MYLK: variants seen among roughly 807,000 people sequenced by gnomAD.
The protein encoded by MYLK is myosin light chain kinase.
Under a neutral mutation model 203.4 loss-of-function variants are expected in MYLK, and 106 were observed. The observed-to-expected ratio is 0.52, with a 90% CI of 0.45 to 0.61. The LOEUF is 0.61. MYLK is among the 20% of genes least tolerant of loss of function. The pLI is 0.00. For missense variants in MYLK, 2,072 were observed against 2,442.3 expected (o/e 0.85, Z 3.20); for synonymous variants, 867 against 959.5 (o/e 0.90, Z 1.78).
At chr3:123,853,772 A>G (rs773686879) in intron 2 of MYLK, among the ~76,000 whole-genome samples, 2 of 152,142 alleles carry the variant, frequency 1.3e-5, no homozygotes, top group African/African-American at 4.8e-5. Flanking sequence ...AAGGATGAGC[A>G]TATTTTGCAT....
At chr3:123,749,491 T>C (rs551429457) in intron 5 of MYLK, among the ~76,000 whole-genome samples, 1 of 152,248 alleles carries the variant, frequency 6.6e-6, no homozygotes, top group South Asian at 2.1e-4. Flanking sequence ...CTGATTTCCA[T>C]CATGTAAGGC....
intron 4 of MYLK, among the ~76,000 whole-genome samples, chr3:123,772,290 T>C (rs1336893065): frequency 6.6e-6 from 1 of 152,110 alleles, no homozygotes; most frequent in African/African-American, 2.4e-5. Flanking sequence ...ACTAATGAAA[T>C]AGTCCAGAAA....
intron 3 of MYLK, among the ~76,000 whole-genome samples, chr3:123,820,652 T>TCCC (rs2065900087): frequency 2.6e-5 from 3 of 113,814 alleles, no homozygotes; most frequent in African/African-American, 9.1e-5. Flanking sequence ...CCCTCCTTCC[T>TCCC]TCCTTCCTTC....
rs1183792309 is a variant in MYLK at position 123,610,653 on chromosome 3, C to T, written c.*3452G>A. 2.6e-5 allele frequency: 4 copies of T among 152,176 alleles called. No homozygotes were observed. The highest frequency in any genetic ancestry group is 6.5e-5 in the Admixed American group (1 of 15,274). 9.4% of individuals were successfully genotyped at this position (152,176 alleles called of 1,614,324 possible). On this transcript the variant is annotated 3_prime_UTR_variant, in exon 34 of 34. Coordinates refer to ENST00000360304, the MANE Select transcript of MYLK (RefSeq NM_053025.4). ...AACAACTGCCACCAACATTAGCCCC[C>T]CCTTTCAAATTACAGGAAGGAGTCC...
chr3:123,645,974 T>G (rs1223545813), intron 27 of MYLK, among the ~76,000 whole-genome samples: 1 of 152,156 alleles, frequency 6.6e-6, no homozygotes, highest in Non-Finnish European at 1.5e-5. Context: ...TGAAATCCTA[T>G]CTGTACAAAA....
chr3:123,773,093 T>A (rs1329527987), intron 4 of MYLK, among the ~76,000 whole-genome samples: 1 of 151,996 alleles, frequency 6.6e-6, no homozygotes, highest in Non-Finnish European at 1.5e-5. Flanking sequence ...ATATTAGAAA[T>A]CAACATATCA....
intron 2 of MYLK, among the ~76,000 whole-genome samples, chr3:123,844,820 T>C (rs2066673255): frequency 1.4e-5 from 1 of 73,102 alleles, no homozygotes; most frequent in African/African-American, 6.0e-5. Flanking sequence ...TTCTCCTCAG[T>C]TGTTTTTTTT....
chr3:123,638,134 A>G lies in MYLK; in HGVS notation c.4898T>C (p.Ile1633Thr). Residue 1633 changes from isoleucine to threonine, a missense_variant, in exon 29 of 34, where the codon ATC becomes ACC. Physicochemically the swap from Ile to Thr is moderately conservative, Grantham distance 89 (BLOSUM62 -1). This residue lies in a region of MYLK where 524 missense variants were observed against 782.4 expected (regional missense o/e 0.67). Coordinates refer to ENST00000360304, the MANE Select transcript of MYLK (RefSeq NM_053025.4). ...GGCGTAGCCGATGGGCTCATAGTTGATCACTTCAGGAGCCACAAATTCTGG... is the reference window on the plus strand; with the variant it reads ...GGCGTAGCCGATGGGCTCATAGTTGGTCACTTCAGGAGCCACAAATTCTGG... ...GTPEFVAPEV[I>T]NYEPIGYATD... is the part of the protein sequence containing the mutation. 6.2e-7 allele frequency: 1 copy of G among 1,614,086 alleles called. No homozygotes were observed. The highest frequency in any genetic ancestry group is 1.3e-5 in the African/African-American group (1 of 75,042).
At chr3:123,829,065 C>G (rs1378083435) in intron 3 of MYLK, among the ~76,000 whole-genome samples, 1 of 151,900 alleles carries the variant, frequency 6.6e-6, no homozygotes, top group East Asian at 1.9e-4. Flanking sequence ...AATAAAACAG[C>G]CATATGATCC....
intron 2 of MYLK, among the ~76,000 whole-genome samples, chr3:123,858,143 C>T (rs1195880757): frequency 6.6e-6 from 1 of 152,162 alleles, no homozygotes; most frequent in Non-Finnish European, 1.5e-5. Flanking sequence ...GCTTGTCATG[C>T]TTATGTTTAT....
At position 123,707,996 on chromosome 3, in the gene MYLK, G is replaced by A. The variant is rs141606539; in HGVS notation, c.2148C>T (p.His716=). The A allele has an allele frequency of 3.4e-5, 55 of 1,613,974 alleles. No individual in the cohort carries two copies. The highest frequency in any genetic ancestry group is 2.7e-4 in the East Asian group (12 of 44,896). Residue 716 remains histidine (H), a synonymous_variant, in exon 16 of 34, where the codon CAC becomes CAT. Transcript: ENST00000360304. ...TGATGAACCAGGGCTGGGTGCCATC[G>A]TGAGGCTCTGGAAATTGGCAAAGGG... ...TQAVLTVQEP[H]DGTQPWFISK...
intron 2 of MYLK, among the ~76,000 whole-genome samples, chr3:123,840,187 AT>A (rs1230681962): frequency 6.6e-6 from 1 of 152,048 alleles, no homozygotes; most frequent in Non-Finnish European, 1.5e-5. Context: ...GAAGGAAATA[AT>A]AAAGATAAAA....
intron 4 of MYLK, among the ~76,000 whole-genome samples, chr3:123,769,829 T>C (rs2063818164): frequency 6.6e-6 from 1 of 152,342 alleles, no homozygotes; most frequent in African/African-American, 2.4e-5. Flanking sequence ...TTTAAATTAA[T>C]GTCATGGTCT....
rs2058302887 is a variant in MYLK at position 123,629,214 on chromosome 3, T to A, written c.5114+260A>T. ...CCTTGCTCTGTAACGTGGTCAAGTGTCGCTTTTCAAGTCAGGTGTCTGAGC... is the reference window on the plus strand; with the variant it reads ...CCTTGCTCTGTAACGTGGTCAAGTGACGCTTTTCAAGTCAGGTGTCTGAGC... On this transcript the variant is annotated intron_variant, in intron 30 of 33. Transcript: ENST00000360304. The surrounding 1 kb of genome is among the most constrained non-coding windows in gnomAD (Gnocchi z 4.4). Among the ~76,000 whole-genome samples the A allele has an allele frequency of 6.6e-6, 1 of 152,158 alleles. No homozygotes were observed. The highest frequency in any genetic ancestry group is 2.4e-5 in the African/African-American group (1 of 41,436).
intron 3 of MYLK, among the ~76,000 whole-genome samples, chr3:123,820,948 C>T (rs1367608393): frequency 2.0e-5 from 3 of 152,060 alleles, no homozygotes; most frequent in Non-Finnish European, 2.9e-5. Flanking sequence ...AGGCTGGTGT[C>T]GAACTCCCGA....
At chr3:123,818,261 C>A (rs978583920) in intron 3 of MYLK, among the ~76,000 whole-genome samples, 1 of 152,236 alleles carries the variant, frequency 6.6e-6, no homozygotes, top group Non-Finnish European at 1.5e-5. Context: ...TGAAGACAGG[C>A]ATCACTTATC....
chr3:123,695,629 C>T (rs997998431), intron 18 of MYLK, among the ~76,000 whole-genome samples: 5 of 152,202 alleles, frequency 3.3e-5, no homozygotes, highest in Non-Finnish European at 7.3e-5. Context: ...ATGCCTTGCT[C>T]ATAGTAGATG....
intron 4 of MYLK, among the ~76,000 whole-genome samples, chr3:123,777,480 G>A (rs2064122185): frequency 6.6e-6 from 1 of 152,226 alleles, no homozygotes; most frequent in South Asian, 2.1e-4. Flanking sequence ...AGGTGAACTG[G>A]TCCACCCTGA....
In MYLK at chr3:123,737,402, T is replaced by A. The variant is rs2062712846; in HGVS notation, c.730A>T (p.Met244Leu). 2 of 1,614,058 alleles carry A rather than the reference T, an allele frequency of 1.2e-6. No individual in the cohort carries two copies. Among genetic ancestry groups the A allele is most frequent in the East Asian group, 2.2e-5 (1 of 44,874 alleles). The change falls in exon 8 of 34, where the codon ATG becomes TTG. Residue 244 changes from methionine (M) to leucine (L), a missense_variant. Physicochemically the swap from Met to Leu is conservative, Grantham distance 15 (BLOSUM62 2). This residue lies in a region of MYLK where 683 missense variants were observed against 643.8 expected (regional missense o/e 1.06). Coordinates refer to ENST00000360304, the MANE Select transcript of MYLK (RefSeq NM_053025.4). ...LVVNGSGKAS[M>L]SAELSIQGLD... The stretch of plus-strand genomic sequence containing the variant: ...CCTTGGATGGAAAGTTCAGCTGACA[T>A]CGAGGCCTTCCCCGACCCGTTCACC...
Sources: allele counts gnomAD v4.1 joint callset (sites outside exome capture counted in the v4.1 genomes callset), GRCh38; gene constraint gnomAD v4.1.1; regional missense constraint gnomAD v4.1.1; non-coding constraint Gnocchi (gnomAD v3.1); transcripts MANE v1.5; gene names NCBI Gene and HGNC (gene_info 2026-07-23, HGNC 2026-07-21).